The following EDIL3 variants were observed in gnomAD, a reference collection of about 807,000 sequenced individuals.
EDIL3 encodes the protein EGF-like repeat and discoidin I-like domain-containing protein 3.
A neutral mutation model predicts 67.4 loss-of-function variants in EDIL3; 37 were observed. That is an observed-to-expected ratio of 0.55 (90% CI 0.42 to 0.72). EDIL3 has a LOEUF of 0.72. Ranked by LOEUF, EDIL3 falls within the 30% of genes least tolerant of loss-of-function variation. EDIL3 has a pLI of 0.00. For missense variants in EDIL3, 527 were observed against 586.3 expected (o/e 0.90, Z 1.04); for synonymous variants, 195 against 196.3 (o/e 0.99, Z 0.05).
At chr5:84,249,254 T>G (rs2112069861) in intron 2 of EDIL3, among the ~76,000 whole-genome samples, 1 of 152,302 alleles carries the variant, frequency 6.6e-6, no homozygotes, top group South Asian at 2.1e-4. Flanking sequence ...TTTTTTAGAT[T>G]TATGTCTAGA....
chr5:84,151,389 T>C (rs183638843), intron 4 of EDIL3, among the ~76,000 whole-genome samples: 74 of 152,178 alleles, frequency 4.9e-4, no homozygotes, highest in African/African-American at 1.8e-3. Context: ...TACAATATAC[T>C]TTTATTTCAA....
chr5:84,209,294 G>A (rs972208751), intron 3 of EDIL3, among the ~76,000 whole-genome samples: 2 of 151,950 alleles, frequency 1.3e-5, no homozygotes, highest in East Asian at 3.9e-4. Context: ...GTTAATGGGT[G>A]CAGCACACCA....
At chr5:84,127,343 C>T (rs1193577788) in intron 5 of EDIL3, among the ~76,000 whole-genome samples, 1 of 151,964 alleles carries the variant, frequency 6.6e-6, no homozygotes, top group East Asian at 1.9e-4. Flanking sequence ...GTTTCCATTC[C>T]CTTTGGAGCT....
At chr5:84,254,968 A>C (rs1040330591) in intron 1 of EDIL3, among the ~76,000 whole-genome samples, 2 of 152,154 alleles carry the variant, frequency 1.3e-5, no homozygotes, top group African/African-American at 4.8e-5. Context: ...ACAATTGATA[A>C]AGCTGTCATC....
chr5:83,977,863 T>A (rs1296576276), intron 9 of EDIL3, among the ~76,000 whole-genome samples: 3 of 151,824 alleles, frequency 2.0e-5, no homozygotes, highest in Non-Finnish European at 4.4e-5. Flanking sequence ...AACCTAGAAA[T>A]AAAAGGCGAT....
At chr5:84,165,461 C>T (rs1487781934) in intron 4 of EDIL3, among the ~76,000 whole-genome samples, 3 of 152,144 alleles carry the variant, frequency 2.0e-5, no homozygotes, top group African/African-American at 7.2e-5. Flanking sequence ...AACTCTTGTG[C>T]TGCATTCCTC....
intron 8 of EDIL3, among the ~76,000 whole-genome samples, chr5:84,060,758 T>G (rs574883356): frequency 6.6e-6 from 1 of 152,296 alleles, no homozygotes; most frequent in East Asian, 1.9e-4. Context: ...GATAGATGAT[T>G]CTGCAAAATG....
chr5:84,178,856 A>G (rs563841786), intron 4 of EDIL3, among the ~76,000 whole-genome samples: 1 of 152,204 alleles, frequency 6.6e-6, no homozygotes, highest in Non-Finnish European at 1.5e-5. Flanking sequence ...ACATGGGTTT[A>G]AAATCTTGTT....
intron 4 of EDIL3, among the ~76,000 whole-genome samples, chr5:84,177,924 A>G (rs1229045403): frequency 1.3e-5 from 2 of 152,190 alleles, no homozygotes; most frequent in Non-Finnish European, 2.9e-5. Flanking sequence ...GCTATTTTCC[A>G]AAAGACATTT....
intron 3 of EDIL3, among the ~76,000 whole-genome samples, chr5:84,226,373 T>C (rs1744452788): frequency 6.6e-6 from 1 of 151,624 alleles, no homozygotes; most frequent in Admixed American, 6.6e-5. Flanking sequence ...GATATATATC[T>C]GATATATATG....
intron 3 of EDIL3, 129 bp from the exon 4 acceptor site, chr5:84,180,650 G>T: frequency 2.8e-6 from 3 of 1,060,074 alleles, no homozygotes; most frequent in Non-Finnish European, 3.8e-6. Flanking sequence ...AAATGTACTG[G>T]TTGTATGAGC....
intron 1 of EDIL3, among the ~76,000 whole-genome samples, chr5:84,276,629 C>A (rs1226606400): frequency 1.3e-5 from 2 of 151,924 alleles, no homozygotes; most frequent in Non-Finnish European, 2.9e-5. Context: ...AGTGTAGTGG[C>A]GTGATCTTGG....
At chr5:84,037,717 T>A (rs2112209869) in intron 9 of EDIL3, among the ~76,000 whole-genome samples, 1 of 152,276 alleles carries the variant, frequency 6.6e-6, no homozygotes, top group South Asian at 2.1e-4. Flanking sequence ...TTTTTTCCCC[T>A]AAGAGTTGAA....
chr5:84,294,696 C>T (rs186785006), intron 1 of EDIL3, among the ~76,000 whole-genome samples: 11 of 152,062 alleles, frequency 7.2e-5, no homozygotes, highest in African/African-American at 2.2e-4. Flanking sequence ...ATGTAGATTG[C>T]ACAGTTAGGA....
Position 84,378,699 on chromosome 5 carries a change from C to T in EDIL3, c.67+5609G>A, listed in dbSNP as rs139933019. 2.6e-5 allele frequency among the ~76,000 whole-genome samples: 4 copies of T among 152,268 alleles called. No homozygotes were observed. In the East Asian group the frequency reaches 7.7e-4, roughly 29 times the overall value. On this transcript the variant is annotated intron_variant, in intron 1 of 10. Coordinates refer to ENST00000296591, the MANE Select transcript of EDIL3 (RefSeq NM_005711.5). ...GTGGTATGTGGATGAAGCTTCAAGG[C>T]AAGTGGCTTCTCCACAAGTGAAGTG... is the stretch of plus-strand genomic sequence containing the variant.
chr5:84,108,677 T>A (rs1358668465), intron 5 of EDIL3, among the ~76,000 whole-genome samples: 3 of 152,216 alleles, frequency 2.0e-5, no homozygotes, highest in Non-Finnish European at 4.4e-5. Flanking sequence ...ACTTTCATGA[T>A]GACACTGTGA....
chr5:83,946,584 A>C (rs1452895362), intron 10 of EDIL3, among the ~76,000 whole-genome samples: 1 of 151,954 alleles, frequency 6.6e-6, no homozygotes, highest in Non-Finnish European at 1.5e-5. Flanking sequence ...AGAATATCAG[A>C]TAAAATAAAA....
intron 6 of EDIL3, among the ~76,000 whole-genome samples, chr5:84,106,163 T>C (rs1747456791): frequency 6.6e-6 from 1 of 152,092 alleles, no homozygotes; most frequent in South Asian, 2.1e-4. Flanking sequence ...AAATAGCTGG[T>C]TGATGAGAGT....
Position 84,208,798 on chromosome 5 carries a change from A to C in EDIL3, c.226+21057T>G, listed in dbSNP as rs1268205443. On this transcript the variant is annotated intron_variant, in intron 3 of 10. Coordinates refer to ENST00000296591, the MANE Select transcript of EDIL3 (RefSeq NM_005711.5). Reference sequence around the variant, plus strand: ...GGTGGGACTGTAAACTAGTTCAACCATTGTGGAAGTCAGTGTGGCGATTCC... The same window carrying C: ...GGTGGGACTGTAAACTAGTTCAACCCTTGTGGAAGTCAGTGTGGCGATTCC... 9.2e-5 allele frequency among the ~76,000 whole-genome samples: 14 copies of C among 151,468 alleles called. No homozygotes were observed. In the East Asian group the frequency reaches 2.0e-3, roughly 21 times the overall value.
Sources: gnomAD v4.1 joint callset for allele counts (sites outside exome capture counted in the v4.1 genomes callset) on GRCh38, gnomAD v4.1.1 for gene constraint, MANE v1.5 for transcripts, NCBI Gene and HGNC (gene_info 2026-07-23, HGNC 2026-07-21) for gene names.